The following TSBP1 variants were observed in gnomAD, a reference collection of about 807,000 sequenced individuals.
TSBP1 encodes the protein testis expressed basic protein 1.
A neutral mutation model predicts 68.8 loss-of-function variants in TSBP1; 56 were observed. The observed-to-expected ratio is 0.81, with a 90% CI of 0.66 to 1.02. The LOEUF (loss-of-function observed/expected upper bound fraction) is 1.02, where lower values mean the gene tolerates loss of function less well. Among genes scored for constraint, TSBP1 ranks in the 50% least tolerant of loss-of-function variants. The probability of loss-of-function intolerance (pLI) is 0.00; values close to 1 mark genes in which losing one functional copy is unlikely to be tolerated. For synonymous variants in TSBP1, 171 were observed against 208.7 expected (o/e 0.82, Z 1.56); for missense variants, 502 against 641.2 (o/e 0.78, Z 2.34).
chr6:32,368,035 G>A, intron 3 of TSBP1, 78 bp from the exon 4 acceptor site: 2 of 1,157,882 alleles, frequency 1.7e-6, no homozygotes, highest in Non-Finnish European at 2.6e-6. Flanking sequence ...GAGAACTAAT[G>A]TAAACATGAA....
chr6:32,318,544 A>C (rs770143210), intron 18 of TSBP1, among the ~76,000 whole-genome samples: 2 of 152,200 alleles, frequency 1.3e-5, no homozygotes, highest in African/African-American at 4.8e-5. Context: ...CCAAAGACAT[A>C]ATGAAATATT....
chr6:32,298,843 G>A (rs1449128297), intron 22 of TSBP1, among the ~76,000 whole-genome samples: 1 of 152,132 alleles, frequency 6.6e-6, no homozygotes, highest in Non-Finnish European at 1.5e-5. Flanking sequence ...ACTTTGTTTT[G>A]TATGGTTTCC....
chr6:32,299,044 C>G (rs368647273), intron 22 of TSBP1, among the ~76,000 whole-genome samples: 2 of 152,280 alleles, frequency 1.3e-5, no homozygotes, highest in East Asian at 1.9e-4. Context: ...CATAAAGTTT[C>G]CTGACTAATC....
Position 32,355,051 on chromosome 6 carries a change from GA to G in TSBP1, c.259+72del, listed in dbSNP as rs904448434. On this transcript the variant is annotated intron_variant, in intron 8 of 22. Coordinates refer to ENST00000612031, the Ensembl canonical transcript of TSBP1. ...TAATTTTAAAAACTTTCTTAAAAGA[GA>G]AAAAATACAGAAAAAATAGGGCTTG... is the stretch of plus-strand genomic sequence containing the variant. The G allele has an allele frequency of 4.9e-5, 67 of 1,354,050 alleles. 1 individual carries two copies. The African/African-American group carries it at 9.3e-4, about 19-fold the overall frequency. The allele number at this position is 1,354,050 out of a possible 1,614,324, so 83.9% of individuals were successfully genotyped here. A position where few individuals can be genotyped will look rare whatever the true frequency, so the allele number is the denominator to read the frequency against.
chr6:32,323,576 A>G lies in TSBP1; in HGVS notation c.538+15T>C. 2 of 1,611,170 alleles carry G rather than the reference A, an allele frequency of 1.2e-6. No individual in the cohort carries two copies. The highest frequency in any genetic ancestry group is 1.7e-6 in the Non-Finnish European group (2 of 1,178,584). On this transcript the variant is annotated intron_variant, in intron 17 of 22. Transcript: ENST00000612031. Reference sequence around the variant, plus strand: ...AACAACAACAGAAAAGAGTAGAAAAAGAAATTGAACTTACCGCGGGGTGCT... The same window carrying G: ...AACAACAACAGAAAAGAGTAGAAAAGGAAATTGAACTTACCGCGGGGTGCT...
chr6:32,351,286 CACTTAAGGTGG>C (rs1771686075), intron 8 of TSBP1, among the ~76,000 whole-genome samples: 1 of 152,066 alleles, frequency 6.6e-6, no homozygotes, highest in Non-Finnish European at 1.5e-5. Context: ...TCTTTCTGTT[CACTTAAGGTGG>C]ACTAACATGA....
Position 32,315,794 on chromosome 6 carries a change from T to TA in TSBP1, c.560-3dup. The TA allele has an allele frequency of 2.7e-6, 4 of 1,501,634 alleles. No homozygotes were observed. The highest frequency in any genetic ancestry group is 1.2e-5 in the South Asian group (1 of 82,444). 93.0% of individuals were successfully genotyped at this position (1,501,634 alleles called of 1,614,324 possible). A position where few individuals can be genotyped will look rare whatever the true frequency, so the allele number is the denominator to read the frequency against. ...TACTTGCAGTTCTCTGCGAAATTAC[T>TA]AAAAAATAAGCAAAAAGAAATCCAT... On this transcript the variant is annotated splice_polypyrimidine_tract_variant and splice_region_variant and intron_variant, in intron 18 of 22. Transcript: ENST00000612031. The surrounding 1 kb of genome is among the most constrained non-coding windows in gnomAD (Gnocchi z 5.4).
intron 9 of TSBP1, among the ~76,000 whole-genome samples, chr6:32,346,709 A>ACT (rs1771039166): frequency 6.6e-6 from 1 of 152,066 alleles, no homozygotes; most frequent in African/African-American, 2.4e-5. Flanking sequence ...ATTGTGGTGC[A>ACT]CGCCTGTAAT....
chr6:32,312,625 C>T (rs900837125), intron 19 of TSBP1, among the ~76,000 whole-genome samples: 1 of 152,196 alleles, frequency 6.6e-6, no homozygotes, highest in African/African-American at 2.4e-5. Context: ...AAACTGAACT[C>T]ACAATAGCAT....
At chr6:32,339,782 A>G in intron 9 of TSBP1, 144 bp from the exon 11 acceptor site, 1 of 493,458 alleles carries the variant, frequency 2.0e-6, no homozygotes, top group Non-Finnish European at 3.8e-6. Flanking sequence ...GACTTTTGCT[A>G]TTCTCTAGCT....
rs1229350240 is a variant in TSBP1, at chr6:32,325,883, G to A, written c.515-2269C>T. 141 of 1,492,184 alleles carry A rather than the reference G, an allele frequency of 9.4e-5. No individual in the cohort carries two copies. The highest frequency in any genetic ancestry group is 1.2e-4 in the Non-Finnish European group (125 of 1,084,028). 92.4% of individuals were successfully genotyped at this position (1,492,184 alleles called of 1,614,324 possible). On this transcript the variant is annotated intron_variant, in intron 16 of 22. Transcript: ENST00000612031. The surrounding 1 kb of genome is among the most constrained non-coding windows in gnomAD (Gnocchi z 4.4). ...AACTTTGATCATGGAGGAAACTTCA[G>A]TGGTTGTGGTGGCTTTGGTGGCAGC... is the stretch of plus-strand genomic sequence containing the variant.
chr6:32,295,840 T>A (rs928187854), intron 22 of TSBP1, among the ~76,000 whole-genome samples: 1 of 142,612 alleles, frequency 7.0e-6, no homozygotes, highest in African/African-American at 2.7e-5. Flanking sequence ...ACAGGAAAAT[T>A]TCTTTTTTTT....
chr6:32,322,547 A>G, intron 18 of TSBP1, 41 bp from the exon 20 acceptor site: 2 of 1,429,360 alleles, frequency 1.4e-6, no homozygotes, highest in Middle Eastern at 1.8e-4. Context: ...ATTTTTCTCA[A>G]ATAGAAAACA....
chr6:32,364,039 C>T (rs6917075), intron 6 of TSBP1, among the ~76,000 whole-genome samples: 44,231 of 151,984 alleles, frequency 0.29, 7,456 homozygotes, highest in African/African-American at 0.44. Context: ...TTTCTTTCAG[C>T]AAATTGAATA....
At chr6:32,296,407 T>G (rs75668813) in intron 22 of TSBP1, among the ~76,000 whole-genome samples, 3,065 of 152,342 alleles carry the variant, frequency 0.02, 86 homozygotes, top group African/African-American at 0.059. Flanking sequence ...CTGAACCTTT[T>G]TGTATATGTC....
intron 18 of TSBP1, 60 bp from the exon 20 acceptor site, chr6:32,322,566 T>C (rs2127589251): frequency 7.8e-7 from 1 of 1,289,850 alleles, no homozygotes; most frequent in Non-Finnish European, 1.1e-6. Context: ...CACATAGTAT[T>C]ATCTAATATA....
intron 22 of TSBP1, among the ~76,000 whole-genome samples, chr6:32,296,336 A>G (rs1764723166): frequency 2.0e-5 from 3 of 152,204 alleles, no homozygotes; most frequent in African/African-American, 7.2e-5. Flanking sequence ...GTTTTCTTTT[A>G]TTATTTTCAG....
chr6:32,316,706 T>C lies in TSBP1; in HGVS notation c.560-914A>G, dbSNP rs1422089023. On this transcript the variant is annotated intron_variant, in intron 18 of 22. Coordinates refer to ENST00000612031, the Ensembl canonical transcript of TSBP1. This position sits in a 1 kb window ranked among gnomAD's most constrained non-coding sequence, Gnocchi z 4.5. Reference sequence around the variant, plus strand: ...GTGCAAAGTACATATGTGTTTGAAATCATGTAAATGTAAGCTTCCTTCTCA... The same window carrying C: ...GTGCAAAGTACATATGTGTTTGAAACCATGTAAATGTAAGCTTCCTTCTCA... Among the ~76,000 whole-genome samples the C allele has an allele frequency of 1.3e-5, 2 of 152,138 alleles. No individual in the cohort carries two copies. Among genetic ancestry groups the C allele is most frequent in the Non-Finnish European group, 2.9e-5 (2 of 68,020 alleles).
chr6:32,363,101 C>T (rs1773251383), intron 6 of TSBP1, among the ~76,000 whole-genome samples: 1 of 151,902 alleles, frequency 6.6e-6, no homozygotes, highest in Non-Finnish European at 1.5e-5. Flanking sequence ...ATGAATTAGC[C>T]CTTTATAATT....
Sources: gnomAD v4.1 joint callset for allele counts (sites outside exome capture counted in the v4.1 genomes callset) on GRCh38, gnomAD v4.1.1 for gene constraint, Gnocchi (gnomAD v3.1) non-coding constraint, MANE v1.5 for transcripts, NCBI Gene and HGNC (gene_info 2026-07-23, HGNC 2026-07-21) for gene names.